The following LHFPL3 variants were observed in gnomAD, a reference collection of about 807,000 sequenced individuals.
LHFPL3 encodes the protein LHFPL tetraspan subfamily member 3.
A neutral mutation model predicts 19.3 loss-of-function variants in LHFPL3; 5 were observed. The ratio of observed to expected loss-of-function variants is 0.26; its 90% CI spans 0.14 to 0.54. The LOEUF (loss-of-function observed/expected upper bound fraction) is 0.54, where lower values mean the gene tolerates loss of function less well. Ranked by LOEUF, LHFPL3 falls within the 20% of genes least tolerant of loss-of-function variation. The pLI is 0.94. For missense variants in LHFPL3, 249 were observed against 307.4 expected (o/e 0.81, Z 1.42); for synonymous variants, 133 against 126.2 (o/e 1.05, Z -0.36).
intron 1 of LHFPL3, among the ~76,000 whole-genome samples, chr7:104,664,273 C>T (rs1313085158): frequency 6.6e-6 from 1 of 152,044 alleles, no homozygotes. Flanking sequence ...AGTCTTGTAC[C>T]AAATTAGCCA....
At chr7:104,434,343 T>C (rs1792060056) in intron 1 of LHFPL3, among the ~76,000 whole-genome samples, 1 of 152,228 alleles carries the variant, frequency 6.6e-6, no homozygotes, top group Non-Finnish European at 1.5e-5. Flanking sequence ...AATAGATTAA[T>C]TTATGGTCAG....
intron 1 of LHFPL3, among the ~76,000 whole-genome samples, chr7:104,484,620 T>G (rs1298941621): frequency 6.6e-6 from 1 of 152,218 alleles, no homozygotes; most frequent in African/African-American, 2.4e-5. Context: ...CATTTTGTGC[T>G]GCTATAACAG....
At chr7:104,335,981 A>G (rs1011732857) in intron 1 of LHFPL3, among the ~76,000 whole-genome samples, 1 of 152,148 alleles carries the variant, frequency 6.6e-6, no homozygotes, top group Non-Finnish European at 1.5e-5. Flanking sequence ...TTTGGATCAC[A>G]TTGGCACGAA....
intron 1 of LHFPL3, among the ~76,000 whole-genome samples, chr7:104,642,877 C>A (rs1791863339): frequency 6.6e-6 from 1 of 152,220 alleles, no homozygotes; most frequent in Admixed American, 6.5e-5. Flanking sequence ...AACCCAGCAC[C>A]TGCTTCTTGA....
chr7:104,750,410 C>T (rs1031026978), intron 2 of LHFPL3, among the ~76,000 whole-genome samples: 3 of 152,206 alleles, frequency 2.0e-5, no homozygotes, highest in South Asian at 2.1e-4. Context: ...CTATTTCCAC[C>T]CTTAATGTAT....
intron 1 of LHFPL3, among the ~76,000 whole-genome samples, chr7:104,358,020 A>G (rs1312864739): frequency 6.6e-6 from 1 of 152,170 alleles, no homozygotes; most frequent in Non-Finnish European, 1.5e-5. Context: ...AATATAAACA[A>G]TGGGATCAGG....
chr7:104,457,115 AT>A (rs1264956703), intron 1 of LHFPL3, among the ~76,000 whole-genome samples: 1 of 151,942 alleles, frequency 6.6e-6, no homozygotes, highest in African/African-American at 2.4e-5. Context: ...TGCCCACTAC[AT>A]TTTTATTTTA....
chr7:104,386,832 A>T (rs1378055829), intron 1 of LHFPL3, among the ~76,000 whole-genome samples: 2 of 152,200 alleles, frequency 1.3e-5, no homozygotes, highest in East Asian at 3.8e-4. Flanking sequence ...ACTAAATAAA[A>T]ACAACAAAAA....
intron 1 of LHFPL3, among the ~76,000 whole-genome samples, chr7:104,492,006 T>C (rs1205628357): frequency 1.3e-5 from 2 of 152,208 alleles, no homozygotes; most frequent in Non-Finnish European, 2.9e-5. Context: ...CAAGGAAATG[T>C]GTGTGCATAT....
chr7:104,617,945 A>G (rs995821954), intron 1 of LHFPL3, among the ~76,000 whole-genome samples: 3 of 152,252 alleles, frequency 2.0e-5, no homozygotes, highest in African/African-American at 7.2e-5. Flanking sequence ...ATAAAGAATC[A>G]AATCATCTCA....
chr7:104,732,769 T>G (rs141035168), intron 1 of LHFPL3, among the ~76,000 whole-genome samples: 1,697 of 152,320 alleles, frequency 0.011, 31 homozygotes, highest in African/African-American at 0.038. Context: ...TCTGCTAGCT[T>G]TTGAATGTGT....
chr7:104,367,703 T>C (rs1334099141), intron 1 of LHFPL3, among the ~76,000 whole-genome samples: 1 of 152,210 alleles, frequency 6.6e-6, no homozygotes, highest in East Asian at 1.9e-4. Context: ...GTGTGCAGTA[T>C]TTTGGTTGGT....
At chr7:104,849,139 C>T (rs896202046) in intron 2 of LHFPL3, among the ~76,000 whole-genome samples, 2 of 152,174 alleles carry the variant, frequency 1.3e-5, no homozygotes, top group Non-Finnish European at 2.9e-5. Context: ...CTGTGTTGCC[C>T]AGGCTGGTCT....
At chr7:104,710,730 C>CA (rs1282339388) in intron 1 of LHFPL3, among the ~76,000 whole-genome samples, 2 of 152,112 alleles carry the variant, frequency 1.3e-5, no homozygotes, top group African/African-American at 4.8e-5. Context: ...TCATGTAAGA[C>CA]AATTAGAAGA....
At chr7:104,698,373 G>A (rs1793035686) in intron 1 of LHFPL3, among the ~76,000 whole-genome samples, 2 of 152,034 alleles carry the variant, frequency 1.3e-5, no homozygotes, top group Non-Finnish European at 2.9e-5. Context: ...ATCAAGTTTT[G>A]GAGAAGTAGA....
intron 1 of LHFPL3, among the ~76,000 whole-genome samples, chr7:104,649,615 T>C (rs1466230523): frequency 1.3e-5 from 2 of 152,120 alleles, no homozygotes; most frequent in East Asian, 3.8e-4. Flanking sequence ...ATTTGATGGA[T>C]TTCAGATTTT....
chr7:104,398,075 T>G (rs921555738), intron 1 of LHFPL3, among the ~76,000 whole-genome samples: 1 of 137,802 alleles, frequency 7.3e-6, no homozygotes, highest in Non-Finnish European at 1.6e-5. Flanking sequence ...TTTTTTTTTT[T>G]GTAAGTCTCT....
At chr7:104,482,640 G>A (rs1013505357) in intron 1 of LHFPL3, among the ~76,000 whole-genome samples, 1 of 152,162 alleles carries the variant, frequency 6.6e-6, no homozygotes, top group South Asian at 2.1e-4. Flanking sequence ...TGCCTTTCTC[G>A]GTTTTGCTTT....
At chr7:104,624,080 T>A (rs932465113) in intron 1 of LHFPL3, among the ~76,000 whole-genome samples, 1 of 152,218 alleles carries the variant, frequency 6.6e-6, no homozygotes, top group Non-Finnish European at 1.5e-5. Flanking sequence ...TTCCTTGGTG[T>A]TGTTATTGAG....
Sources: gnomAD v4.1 joint callset for allele counts (sites outside exome capture counted in the v4.1 genomes callset) on GRCh38, gnomAD v4.1.1 for gene constraint, MANE v1.5 for transcripts, NCBI Gene and HGNC (gene_info 2026-07-23, HGNC 2026-07-21) for gene names.